The following POLM variants were observed in gnomAD, a reference collection of about 807,000 sequenced individuals.
POLM encodes the protein DNA polymerase mu, also known as DNA-directed DNA/RNA polymerase mu.
POLM carries 52 observed loss-of-function variants against 56.7 expected under a neutral mutation model. The observed-to-expected ratio is 0.92, with a 90% CI of 0.73 to 1.15. The LOEUF (loss-of-function observed/expected upper bound fraction) is 1.15. Among genes scored for constraint, POLM ranks in the 50% most tolerant of loss-of-function variants. The probability of loss-of-function intolerance (pLI) is 0.00; values close to 1 mark genes in which losing one functional copy is unlikely to be tolerated. For synonymous variants in POLM, 273 were observed against 274.3 expected, an observed-to-expected ratio of 1.00 and a Z score of 0.05; for missense variants, 660 against 663.6, an observed-to-expected ratio of 0.99 and a Z score of 0.06.
chr7:44,078,844 T>C, intron 4 of POLM, 33 bp from the exon 5 acceptor site: 3 of 1,582,952 alleles, frequency 1.9e-6, no homozygotes, highest in Non-Finnish European at 2.6e-6. Flanking sequence ...ACTCTAAGCC[T>C]GAGGGCGTGG....
chr7:44,080,357 G>C lies in POLM; in HGVS notation c.372+376C>G, dbSNP rs1339455701. 9.2e-6 allele frequency: 5 copies of C among 545,074 alleles called. No individual in the cohort carries two copies. The East Asian group carries it at 2.3e-4, about 25-fold the overall frequency. The allele number at this position is 545,074 out of a possible 1,614,324, so 33.8% of individuals were successfully genotyped here. A position where few individuals can be genotyped will look rare whatever the true frequency, so the allele number is the denominator to read the frequency against. On this transcript the variant is annotated intron_variant, in intron 2 of 10. Transcript: ENST00000242248. ...TTGAAGGCAGGCAACCTGGCCCCAA[G>C]CCCACACCTGTCAGAGGCCGGGAGC...
intron 1 of POLM, 95 bp from the exon 2 acceptor site, chr7:44,081,011 G>A (rs1463774729): frequency 1.9e-6 from 2 of 1,062,890 alleles, no homozygotes; most frequent in Non-Finnish European, 2.7e-6. Flanking sequence ...CTTCTGCATG[G>A]TAAGTGACCA....
intron 5 of POLM, chr7:44,078,461 G>C: frequency 2.2e-6 from 1 of 452,390 alleles, no homozygotes; most frequent in Non-Finnish European, 4.0e-6. Flanking sequence ...GCGAGACCCT[G>C]TCTCAAAAAC....
In POLM at chr7:44,082,236, C is replaced by G; in HGVS notation, c.188+15G>C. On this transcript the variant is annotated intron_variant, in intron 1 of 10. Coordinates refer to ENST00000242248, the MANE Select transcript of POLM (RefSeq NM_013284.4). Reference sequence around the variant, plus strand: ...AGTGCCATGGAAGCCCTCGCCGCGCCGCGCCGCCCCGCACCTGCAGGCGTC... The same window carrying G: ...AGTGCCATGGAAGCCCTCGCCGCGCGGCGCCGCCCCGCACCTGCAGGCGTC... 2.1e-6 allele frequency: 3 copies of G among 1,434,140 alleles called. No homozygotes were observed. Among genetic ancestry groups the G allele is most frequent in the Non-Finnish European group, 1.8e-6 (2 of 1,100,518 alleles). The allele number at this position is 1,434,140 out of a possible 1,614,324, so 88.8% of individuals were successfully genotyped here. A position where few individuals can be genotyped will look rare whatever the true frequency, so the allele number is the denominator to read the frequency against.
In POLM at chr7:44,073,194, G is replaced by T. The variant is rs555362138; in HGVS notation, c.*97C>A. 6.3e-7 allele frequency: 1 copy of T among 1,599,698 alleles called. No individual in the cohort carries two copies. The highest frequency in any genetic ancestry group is 2.3e-5 in the East Asian group (1 of 44,424). ...CAGGCCTTGGCGGGGAGGGGTGAAGGTGGGGGTCAGGGGGCAGCATATCTG... is the reference window on the plus strand; with the variant it reads ...CAGGCCTTGGCGGGGAGGGGTGAAGTTGGGGGTCAGGGGGCAGCATATCTG... On this transcript the variant is annotated 3_prime_UTR_variant, in exon 11 of 11. Transcript: ENST00000242248.
chr7:44,080,479 A>C, intron 2 of POLM: 2 of 669,558 alleles, frequency 3.0e-6, no homozygotes, highest in Non-Finnish European at 5.5e-6. Flanking sequence ...GGCCTGAAGA[A>C]GGTAAAAATA....
intron 5 of POLM, among the ~76,000 whole-genome samples, chr7:44,077,923 C>T (rs1201269905): frequency 6.6e-6 from 1 of 152,230 alleles, no homozygotes; most frequent in Non-Finnish European, 1.5e-5. Flanking sequence ...TCAAAGCAGG[C>T]ACACCCGAGG....
chr7:44,081,053 G>A, intron 1 of POLM, 137 bp from the exon 2 acceptor site: 1 of 660,962 alleles, frequency 1.5e-6, no homozygotes, highest in South Asian at 2.0e-5. Flanking sequence ...CCTCCAGAAA[G>A]CCTTCCCAGC....
Position 44,078,611 on chromosome 7 carries a change from G to A in POLM, c.714+129C>T, listed in dbSNP as rs761023360. On this transcript the variant is annotated intron_variant, in intron 5 of 10. Transcript: ENST00000242248. ...GTATCAGCTTAGCTGCCACTTCCTC[G>A]GCAAGACCTTCTCTGACCCCTGGGC... is the stretch of plus-strand genomic sequence containing the variant. The A allele has an allele frequency of 6.9e-5, 53 of 762,812 alleles. No homozygotes were observed. In the South Asian group the frequency reaches 7.4e-4, roughly 11 times the overall value. The allele number at this position is 762,812 out of a possible 1,614,324, so 47.3% of individuals were successfully genotyped here. A position where few individuals can be genotyped will look rare whatever the true frequency, so the allele number is the denominator to read the frequency against.
At chr7:44,080,642 G>A (rs1182613217) in intron 2 of POLM, 91 bp downstream of exon 2, 5 of 1,319,620 alleles carry the variant, frequency 3.8e-6, no homozygotes, top group Non-Finnish European at 5.4e-6. Flanking sequence ...GGACATTGAG[G>A]CATTGCTGCC....
In POLM at chr7:44,082,293, C is replaced by A. The variant is rs1250362485; in HGVS notation, c.146G>T (p.Gly49Val). The A allele has an allele frequency of 1.9e-6, 3 of 1,550,014 alleles. No homozygotes were observed. The highest frequency in any genetic ancestry group is 1.4e-5 in the African/African-American group (1 of 70,248). ...MGRSRRAFLT[G>V]LARSKGFRVL... ...GCGGAAGCCTTTGGAGCGCGCCAGG[C>A]CTGTGAGGAAGGCCCGGCGGCTGCG... The change falls in exon 1 of 11, where the codon GGC becomes GTC. Residue 49 changes from glycine to valine, a missense_variant. Physicochemically the swap from Gly to Val is moderately radical, Grantham distance 109 (BLOSUM62 -3). Transcript: ENST00000242248.
intron 4 of POLM, among the ~76,000 whole-genome samples, chr7:44,079,267 G>C (rs535496172): frequency 7.7e-4 from 118 of 152,278 alleles, no homozygotes; most frequent in African/African-American, 2.7e-3. Context: ...CACACTCAGG[G>C]TGCTCTCTTT....
chr7:44,073,121 A>T lies in POLM; in HGVS notation c.*170T>A, dbSNP rs2096172728. 6.7e-7 allele frequency: 1 copy of T among 1,489,608 alleles called. No individual in the cohort carries two copies. Among genetic ancestry groups the T allele is most frequent in the African/African-American group, 1.4e-5 (1 of 71,784 alleles). The allele number at this position is 1,489,608 out of a possible 1,614,324, so 92.3% of individuals were successfully genotyped here. A position where few individuals can be genotyped will look rare whatever the true frequency, so the allele number is the denominator to read the frequency against. On this transcript the variant is annotated 3_prime_UTR_variant, in exon 11 of 11. Transcript: ENST00000242248. ...ACCTCATCACACCCTGCAGCACACC[A>T]GCAGGGGCTCAACTGATCCTGCAGG...
In POLM at chr7:44,082,348, C is replaced by T. The variant is rs1324258603; in HGVS notation, c.91G>A (p.Ala31Thr). 1 of 1,557,978 alleles carries T rather than the reference C, an allele frequency of 6.4e-7. No individual in the cohort carries two copies. The highest frequency in any genetic ancestry group is 1.4e-5 in the African/African-American group (1 of 70,802). ...ATGCGAGGCTCGACCAGGTAGATGG[C>T]GACTCCCGGGAAGCGCGTCGAGGGC... ...TPPSTRFPGV[A>T]IYLVEPRMGR... Residue 31 changes from alanine to threonine, a missense_variant, in exon 1 of 11, where the codon GCC (alanine) becomes ACC (threonine). By Grantham distance (58) the Ala-to-Thr change is moderately conservative. Coordinates refer to ENST00000242248, the MANE Select transcript of POLM (RefSeq NM_013284.4).
At chr7:44,080,004 G>T in intron 2 of POLM, 45 bp from the exon 3 acceptor site, 1 of 1,400,002 alleles carries the variant, frequency 7.1e-7, no homozygotes, top group Non-Finnish European at 1.0e-6. Flanking sequence ...TGCAGGGCTG[G>T]CAGGAGAGCC....
rs1314404907 is a variant in POLM, at chr7:44,082,468, G to T, written c.-30C>A. ...ACGACAGCCTCCAGCAGCGCGGAGCGAACGCAGAGGGAAACTCCGAGCGAG... is the reference window on the plus strand; with the variant it reads ...ACGACAGCCTCCAGCAGCGCGGAGCTAACGCAGAGGGAAACTCCGAGCGAG... On this transcript the variant is annotated 5_prime_UTR_variant, in exon 1 of 11. Coordinates refer to ENST00000242248, the MANE Select transcript of POLM (RefSeq NM_013284.4). 9.2e-6 allele frequency: 10 copies of T among 1,084,272 alleles called. No individual in the cohort carries two copies. Among genetic ancestry groups the T allele is most frequent in the South Asian group, 1.9e-5 (1 of 53,206 alleles). The allele number at this position is 1,084,272 out of a possible 1,614,324, so 67.2% of individuals were successfully genotyped here.
At chr7:44,081,279 T>A (rs1412134573) in intron 1 of POLM, among the ~76,000 whole-genome samples, 3 of 152,224 alleles carry the variant, frequency 2.0e-5, no homozygotes, top group Non-Finnish European at 4.4e-5. Context: ...GAACCCCAGC[T>A]CTGCCTGCCA....
rs570698080 is a variant in POLM, at chr7:44,082,038, C to T, written c.188+213G>A. On this transcript the variant is annotated intron_variant, in intron 1 of 10. Transcript: ENST00000242248. The stretch of plus-strand genomic sequence containing the variant: ...GGGATTACAGGCGTGAGCCACCGCG[C>T]CCGGCCTACTGCTTATTAATTACCC... Among the ~76,000 whole-genome samples, 718 of 152,310 alleles carry T rather than the reference C, an allele frequency of 4.7e-3. 4 individuals carry two copies. Among genetic ancestry groups the T allele is most frequent in the Non-Finnish European group, 6.1e-3 (414 of 68,026 alleles).
In POLM at chr7:44,076,619, TGGGTGAAGAGCTGTG is replaced by T; in HGVS notation, c.715-5_724del. On this transcript the variant is annotated splice_acceptor_variant and splice_polypyrimidine_tract_variant and coding_sequence_variant and intron_variant, in exon 6 of 11. Coordinates refer to ENST00000242248, the MANE Select transcript of POLM (RefSeq NM_013284.4). LOFTEE classifies it high-confidence loss of function. ...AGTCTTCACACCGACCCCGAAGATC[TGGGTGAAGAGCTGTG>T]GGGAAGGAGCGTAGCCCGGTTGGGC... 1 of 1,614,038 alleles carries T rather than the reference TGGGTGAAGAGCTGTG, an allele frequency of 6.2e-7. No individual in the cohort carries two copies. Among genetic ancestry groups the T allele is most frequent in the East Asian group, 2.2e-5 (1 of 44,874 alleles).
Sources: allele counts gnomAD v4.1 joint callset (sites outside exome capture counted in the v4.1 genomes callset), GRCh38; gene constraint gnomAD v4.1.1; transcripts MANE v1.5; gene names NCBI Gene and HGNC (gene_info 2026-07-23, HGNC 2026-07-21).